Variants in ACY3 observed in about 807,000 individuals in gnomAD.
ACY3 encodes the protein aminoacylase 3.
A neutral mutation model predicts 24.6 loss-of-function variants in ACY3; 20 were observed. The ratio of observed to expected loss-of-function variants is 0.81; its 90% CI spans 0.57 to 1.18. ACY3 has a LOEUF of 1.18. Ranked by LOEUF, ACY3 falls within the 50% of genes most tolerant of loss-of-function variation. The pLI is 0.00. For missense variants in ACY3, 423 were observed against 426.8 expected (o/e 0.99, Z 0.08); for synonymous variants, 174 against 188.4 (o/e 0.92, Z 0.62).
At chr11:67,647,131 C>T (rs913188342) in intron 2 of ACY3, 68 bp from the exon 3 acceptor site, 7 of 1,175,764 alleles carry the variant, frequency 6.0e-6, no homozygotes, top group East Asian at 2.6e-5. Context: ...GCAAGGATGG[C>T]GGTGGGAGGC....
intron 1 of ACY3, among the ~76,000 whole-genome samples, chr11:67,649,956 C>T (rs1871039): frequency 0.068 from 10,311 of 152,154 alleles, 1,189 homozygotes; most frequent in African/African-American, 0.24. Context: ...TGTGTGCACA[C>T]GTGTGACCTG....
Position 67,642,740 on chromosome 11 carries a change from G to T in ACY3, c.944C>A (p.Pro315Gln). 1 of 1,614,136 alleles carries T rather than the reference G, an allele frequency of 6.2e-7. No homozygotes were observed. The highest frequency in any genetic ancestry group is 1.1e-5 in the South Asian group (1 of 91,090). The change falls in exon 8 of 8, where the codon CCG (proline) becomes CAG (glutamine). Residue 315 changes from proline (P) to glutamine (Q), a missense_variant. By Grantham distance (76) the Pro-to-Gln change is moderately conservative (BLOSUM62 -1). Coordinates refer to ENST00000255082, the MANE Select transcript of ACY3 (RefSeq NM_080658.2). ...VPAMPALTPA[P>Q]SPAS ...TGTCTTGGGTTAGGAAGCTGGGCTC[G>T]GGGCAGGGGTCAGCGCGGGCATGGC...
chr11:67,645,967 C>T, intron 3 of ACY3, 80 bp from the exon 4 acceptor site: 1 of 1,414,418 alleles, frequency 7.1e-7, no homozygotes, highest in Non-Finnish European at 9.6e-7. Flanking sequence ...GGGGCAGGGG[C>T]CCTGCAGGAG....
intron 1 of ACY3, among the ~76,000 whole-genome samples, chr11:67,648,803 T>C (rs1855563775): frequency 1.3e-5 from 2 of 152,296 alleles, no homozygotes; most frequent in Non-Finnish European, 2.9e-5. Context: ...AGCATGGCGA[T>C]TGTGGGGACA....
At chr11:67,649,329 A>C (rs770283210) in intron 1 of ACY3, among the ~76,000 whole-genome samples, 2 of 152,052 alleles carry the variant, frequency 1.3e-5, no homozygotes, top group Non-Finnish European at 2.9e-5. Context: ...AGACCTAGCT[A>C]TTTTGGGGGC....
At chr11:67,649,669 T>C (rs895195919) in intron 1 of ACY3, among the ~76,000 whole-genome samples, 4 of 145,690 alleles carry the variant, frequency 2.7e-5, no homozygotes, top group Non-Finnish European at 4.4e-5. Context: ...TGTGTGTGCA[T>C]GTGCATGAGT....
chr11:67,645,388 C>CGA lies in ACY3; in HGVS notation c.433-10_433-9dup. On this transcript the variant is annotated splice_polypyrimidine_tract_variant and intron_variant, in intron 4 of 7. Transcript: ENST00000255082. ...CAGCTCGGGGTACTGCAGCTGGGGGCGAGAGAGGCAGGTTAGGGGCCCAGG... is the reference window on the plus strand; with the variant it reads ...CAGCTCGGGGTACTGCAGCTGGGGGCGAGAGAGAGGCAGGTTAGGGGCCCAGG... 1 of 1,612,302 alleles carries CGA rather than the reference C, an allele frequency of 6.2e-7. No homozygotes were observed.
intron 3 of ACY3, 23 bp from the exon 4 acceptor site, chr11:67,645,910 C>T: frequency 6.4e-7 from 1 of 1,560,718 alleles, no homozygotes; most frequent in Non-Finnish European, 8.7e-7. Flanking sequence ...GAATGGGGGA[C>T]ACCGATCTTC....
intron 2 of ACY3, 58 bp from the exon 3 acceptor site, chr11:67,647,121 G>A: frequency 8.0e-7 from 1 of 1,243,798 alleles, no homozygotes. Flanking sequence ...TGGGCTCAGG[G>A]CAAGGATGGC....
intron 1 of ACY3, among the ~76,000 whole-genome samples, chr11:67,649,510 C>T (rs1214780974): frequency 6.6e-6 from 1 of 151,972 alleles, no homozygotes; most frequent in Non-Finnish European, 1.5e-5. Flanking sequence ...AAACAGCAGC[C>T]CCCAGTCCTG....
intron 1 of ACY3, among the ~76,000 whole-genome samples, chr11:67,649,150 C>T (rs146803476): frequency 5.9e-5 from 9 of 152,152 alleles, no homozygotes; most frequent in Non-Finnish European, 7.4e-5. Flanking sequence ...AGGAGCCTGT[C>T]GGCCTGGGTC....
rs747688814 is a variant in ACY3 at position 67,644,737 on chromosome 11, C to CACAA, written c.744+22_744+23insTTGT. ...GCCCCAGAAATCACCCCCCACCACA[C>CACAA]ACACACACACACACACACACACCTG... On this transcript the variant is annotated intron_variant, in intron 7 of 7. Coordinates refer to ENST00000255082, the MANE Select transcript of ACY3 (RefSeq NM_080658.2). The CACAA allele has an allele frequency of 2.0e-4, 301 of 1,473,098 alleles. 3 individuals are homozygous for CACAA. In the East Asian group the frequency reaches 5.7e-3, roughly 28 times the overall value. 91.3% of individuals were successfully genotyped at this position (1,473,098 alleles called of 1,614,324 possible).
In ACY3 at chr11:67,645,132, G is replaced by A. The variant is rs545031296; in HGVS notation, c.547C>T (p.Pro183Ser). ...ATGTCAGCCCGCAGCACACCCTGTG[G>A]CTGGGGGCCCAGCTCCAGACCTGGG... is the stretch of plus-strand genomic sequence containing the variant. ...NGLGLELGPQPQGVLRADIFS... is the reference protein window; with the variant it reads ...NGLGLELGPQSQGVLRADIFS... Residue 183 changes from proline to serine, a missense_variant, in exon 6 of 8, where the codon CCA (proline) becomes TCA (serine). Pro to Ser is a moderately conservative substitution (Grantham distance 74). Coordinates refer to ENST00000255082, the MANE Select transcript of ACY3 (RefSeq NM_080658.2). 6.2e-7 allele frequency: 1 copy of A among 1,613,108 alleles called. No individual in the cohort carries two copies.
chr11:67,643,191 G>A (rs1388613641), intron 7 of ACY3, among the ~76,000 whole-genome samples: 2 of 152,248 alleles, frequency 1.3e-5, no homozygotes, highest in Admixed American at 1.3e-4. Flanking sequence ...TACGGGCACA[G>A]GTATTGAAGC....
In ACY3 at chr11:67,645,893, G is replaced by A. The variant is rs1190721738; in HGVS notation, c.237-6C>T. ...CGTCCGGGGTGGGCCTGGAACTGTG[G>A]AGACGGGAATGGGGGACACCGATCT... On this transcript the variant is annotated splice_region_variant and splice_polypyrimidine_tract_variant and intron_variant, in intron 3 of 7. Coordinates refer to ENST00000255082, the MANE Select transcript of ACY3 (RefSeq NM_080658.2). The A allele has an allele frequency of 6.3e-7, 1 of 1,586,824 alleles. No homozygotes were observed. The highest frequency in any genetic ancestry group is 1.4e-5 in the African/African-American group (1 of 73,866).
chr11:67,648,970 G>A (rs192632111), intron 1 of ACY3, among the ~76,000 whole-genome samples: 2 of 152,268 alleles, frequency 1.3e-5, no homozygotes, highest in Non-Finnish European at 2.9e-5. Context: ...CCTCAGCAAA[G>A]GGAGGGCAGA....
chr11:67,646,037 T>G, intron 3 of ACY3, 150 bp from the exon 4 acceptor site: 1 of 759,976 alleles, frequency 1.3e-6, no homozygotes, highest in South Asian at 2.1e-5. Context: ...TGTCCACCCC[T>G]GCCCGTGGCC....
At chr11:67,647,110 C>T in intron 2 of ACY3, 47 bp from the exon 3 acceptor site, 5 of 1,357,632 alleles carry the variant, frequency 3.7e-6, no homozygotes, top group Non-Finnish European at 4.9e-6. Context: ...TGCAAGGGAT[C>T]TGGGCTCAGG....
chr11:67,642,608 G>A lies in ACY3; in HGVS notation c.*116C>T, dbSNP rs930906173. On this transcript the variant is annotated 3_prime_UTR_variant, in exon 8 of 8. Coordinates refer to ENST00000255082, the MANE Select transcript of ACY3 (RefSeq NM_080658.2). ...GAAATTGAGGCCAGGGGTTGGGGAGGCCTGGCAAGGAACATGGTGCATGGT... is the reference window on the plus strand; with the variant it reads ...GAAATTGAGGCCAGGGGTTGGGGAGACCTGGCAAGGAACATGGTGCATGGT... The A allele has an allele frequency of 1.9e-6, 2 of 1,078,958 alleles. No homozygotes were observed. Among genetic ancestry groups the A allele is most frequent in the Non-Finnish European group, 1.4e-6 (1 of 708,380 alleles). The allele number at this position is 1,078,958 out of a possible 1,614,324, so 66.8% of individuals were successfully genotyped here. A position where few individuals can be genotyped will look rare whatever the true frequency, so the allele number is the denominator to read the frequency against.
Sources: gnomAD v4.1 joint callset for allele counts (sites outside exome capture counted in the v4.1 genomes callset) on GRCh38, gnomAD v4.1.1 for gene constraint, MANE v1.5 for transcripts, NCBI Gene and HGNC (gene_info 2026-07-23, HGNC 2026-07-21) for gene names.